CCDC170: variants seen among roughly 807,000 people sequenced by gnomAD.
CCDC170 encodes the protein coiled-coil domain containing 170, also known as coiled-coil domain-containing protein 170.
A neutral mutation model predicts 72.6 loss-of-function variants in CCDC170; 69 were observed. The ratio of observed to expected loss-of-function variants is 0.95; its 90% CI spans 0.78 to 1.16. CCDC170 has a LOEUF of 1.16. CCDC170 is among the 50% of genes most tolerant of loss of function. CCDC170 has a pLI of 0.00. For synonymous variants in CCDC170, 300 were observed against 303.9 expected (o/e 0.99, Z 0.13); for missense variants, 852 against 832.5 (o/e 1.02, Z -0.29).
At chr6:151,555,351 G>A (rs35106185) in intron 5 of CCDC170, among the ~76,000 whole-genome samples, 23,708 of 151,960 alleles carry the variant, frequency 0.16, 2,244 homozygotes, top group East Asian at 0.46. Flanking sequence ...CTGGGGATAA[G>A]ATAAACATGA....
chr6:151,519,441 C>G (rs149746679), intron 1 of CCDC170, among the ~76,000 whole-genome samples: 11,601 of 152,128 alleles, frequency 0.076, 555 homozygotes, highest in East Asian at 0.18. Flanking sequence ...TCAAGGTGCA[C>G]TGATTTCATA....
intron 8 of CCDC170, among the ~76,000 whole-genome samples, chr6:151,596,109 G>T (rs1436348153): frequency 1.3e-5 from 2 of 152,110 alleles, no homozygotes; most frequent in African/African-American, 4.8e-5. Context: ...GCTGACTCCT[G>T]CACATTTTCT....
At chr6:151,594,857 G>A (rs370094906) in intron 8 of CCDC170, among the ~76,000 whole-genome samples, 1 of 152,010 alleles carries the variant, frequency 6.6e-6, no homozygotes, top group Admixed American at 6.6e-5. Context: ...CTCCATATTG[G>A]TCAGGCTGGT....
chr6:151,524,956 G>T (rs1167820281), intron 1 of CCDC170, among the ~76,000 whole-genome samples: 3 of 127,150 alleles, frequency 2.4e-5, no homozygotes, highest in Non-Finnish European at 4.7e-5. Context: ...TTTTTGAGAC[G>T]GAGTCTCACT....
intron 5 of CCDC170, among the ~76,000 whole-genome samples, chr6:151,548,931 C>T (rs1050927999): frequency 4.6e-5 from 7 of 151,436 alleles, no homozygotes; most frequent in Non-Finnish European, 1.0e-4. Flanking sequence ...GACGGAGTCT[C>T]ACTCTGTCAC....
chr6:151,598,937 C>T (rs1030187341), intron 9 of CCDC170, among the ~76,000 whole-genome samples: 1 of 152,168 alleles, frequency 6.6e-6, no homozygotes, highest in African/African-American at 2.4e-5. Flanking sequence ...CAGAGGCACT[C>T]ATCCCCTCTG....
Position 151,570,801 on chromosome 6 carries a change from A to G in CCDC170, c.775-2373A>G, listed in dbSNP as rs145493930. On this transcript the variant is annotated intron_variant, in intron 5 of 10. Transcript: ENST00000239374. ...AAATCTGTAAACTGTTAAAATATTG[A>G]ATTTGTGATAAAGTGTCCTTGACTC... Among the ~76,000 whole-genome samples, 303 of 152,334 alleles carry G rather than the reference A, an allele frequency of 2.0e-3. 2 individuals carry two copies. The highest frequency in any genetic ancestry group is 3.2e-3 in the Admixed American group (49 of 15,308).
intron 5 of CCDC170, among the ~76,000 whole-genome samples, chr6:151,566,175 G>A (rs1048360568): frequency 4.3e-4 from 66 of 152,284 alleles, no homozygotes; most frequent in African/African-American, 1.6e-3. Flanking sequence ...TTTGGGGAAG[G>A]TCTTCCTCAT....
chr6:151,501,656 G>A (rs1462036668), intron 1 of CCDC170, among the ~76,000 whole-genome samples: 1 of 152,146 alleles, frequency 6.6e-6, no homozygotes, highest in African/African-American at 2.4e-5. Context: ...GAAAAGGTAG[G>A]GGAGAGCTTT....
intron 5 of CCDC170, among the ~76,000 whole-genome samples, chr6:151,555,577 C>T (rs1163120618): frequency 6.6e-6 from 1 of 152,152 alleles, no homozygotes; most frequent in Non-Finnish European, 1.5e-5. Context: ...TCAACCTTTC[C>T]TTTAACTCTT....
rs1415945303 is a variant in CCDC170, at chr6:151,619,333, A to G, written c.*1186A>G. The G allele has an allele frequency of 2.0e-5, 3 of 152,212 alleles. No individual in the cohort carries two copies. The highest frequency in any genetic ancestry group is 2.0e-4 in the Admixed American group (3 of 15,282). 9.4% of individuals were successfully genotyped at this position (152,212 alleles called of 1,614,324 possible). A position where few individuals can be genotyped will look rare whatever the true frequency, so the allele number is the denominator to read the frequency against. ...ACACCCACAGCAATGGTACCTTTTT[A>G]AGATCAGGATTTTATTATGAATTCC... On this transcript the variant is annotated 3_prime_UTR_variant, in exon 11 of 11. Coordinates refer to ENST00000239374, the MANE Select transcript of CCDC170 (RefSeq NM_025059.4).
intron 6 of CCDC170, among the ~76,000 whole-genome samples, chr6:151,582,723 G>A (rs1447413610): frequency 1.3e-5 from 2 of 152,174 alleles, no homozygotes; most frequent in African/African-American, 4.8e-5. Context: ...ATGAAGGGGA[G>A]CAGGCATCAC....
chr6:151,543,856 C>T (rs12206271), intron 3 of CCDC170, among the ~76,000 whole-genome samples: 12,403 of 151,934 alleles, frequency 0.082, 582 homozygotes, highest in Non-Finnish European at 0.11. Context: ...TATTTTTTTT[C>T]CCATTCACTC....
intron 1 of CCDC170, among the ~76,000 whole-genome samples, chr6:151,502,898 G>A (rs1217687623): frequency 1.3e-5 from 2 of 152,122 alleles, no homozygotes; most frequent in African/African-American, 2.4e-5. Flanking sequence ...GGCCAGGTGC[G>A]GTGGCTCACG....
intron 9 of CCDC170, among the ~76,000 whole-genome samples, chr6:151,612,153 T>C (rs968063951): frequency 3.9e-5 from 6 of 152,218 alleles, no homozygotes; most frequent in Non-Finnish European, 7.4e-5. Context: ...CTCTAGATCA[T>C]GTCCTAATCT....
intron 7 of CCDC170, among the ~76,000 whole-genome samples, chr6:151,589,578 C>T (rs1225736181): frequency 1.3e-5 from 2 of 152,068 alleles, no homozygotes; most frequent in Non-Finnish European, 2.9e-5. Flanking sequence ...ATCTCTATAT[C>T]CAGCAGCTGT....
chr6:151,548,886 G>C, intron 5 of CCDC170, among the ~76,000 whole-genome samples: 1 of 126,394 alleles, frequency 7.9e-6, no homozygotes, highest in Non-Finnish European at 1.7e-5. Flanking sequence ...TGCCCAGCTA[G>C]TTTTTTTGTT....
intron 5 of CCDC170, among the ~76,000 whole-genome samples, chr6:151,555,294 T>C (rs1782957376): frequency 6.6e-6 from 1 of 152,156 alleles, no homozygotes; most frequent in South Asian, 2.1e-4. Context: ...TGGCACACAA[T>C]TGGTGTTCAG....
At chr6:151,502,106 T>G (rs546622028) in intron 1 of CCDC170, among the ~76,000 whole-genome samples, 1 of 152,266 alleles carries the variant, frequency 6.6e-6, no homozygotes, top group East Asian at 1.9e-4. Flanking sequence ...CAGATATTGC[T>G]CATAAAAATA....
Sources: gnomAD v4.1 joint callset for allele counts (sites outside exome capture counted in the v4.1 genomes callset) on GRCh38, gnomAD v4.1.1 for gene constraint, MANE v1.5 for transcripts, NCBI Gene and HGNC (gene_info 2026-07-23, HGNC 2026-07-21) for gene names.